DLG2: variants seen among roughly 807,000 people sequenced by gnomAD.
DLG2 encodes the protein discs large MAGUK scaffold protein 2.
Under a neutral mutation model 132.5 loss-of-function variants are expected in DLG2, and 45 were observed. That is an observed-to-expected ratio of 0.34 (90% confidence interval 0.27 to 0.44). The LOEUF (loss-of-function observed/expected upper bound fraction) is 0.44, where lower values mean the gene tolerates loss of function less well. Ranked by LOEUF, DLG2 falls within the 20% of genes least tolerant of loss-of-function variation. DLG2 has a pLI of 1.00. For synonymous variants in DLG2, 424 were observed against 419.6 expected, an observed-to-expected ratio of 1.01 and a Z score of -0.13; for missense variants, 1,045 against 1,196.9, an observed-to-expected ratio of 0.87 and a Z score of 1.87.
At chr11:84,572,881 T>C (rs1046686341) in intron 6 of DLG2, among the ~76,000 whole-genome samples, 4 of 152,142 alleles carry the variant, frequency 2.6e-5, no homozygotes, top group African/African-American at 7.2e-5. Context: ...GTTTCCTCCA[T>C]GGGATTTGGG....
intron 18 of DLG2, among the ~76,000 whole-genome samples, chr11:83,707,334 C>T (rs1056506383): frequency 9.9e-5 from 15 of 152,146 alleles, no homozygotes; most frequent in African/African-American, 3.1e-4. Context: ...TGCCTTATTC[C>T]TGAATTATAT....
At chr11:85,527,846 T>A (rs766313502) in intron 3 of DLG2, among the ~76,000 whole-genome samples, 6 of 152,208 alleles carry the variant, frequency 3.9e-5, no homozygotes, top group Non-Finnish European at 8.8e-5. Context: ...CTCCACATCC[T>A]CACCAGCAAC....
intron 8 of DLG2, among the ~76,000 whole-genome samples, chr11:84,225,072 T>C (rs1566982808): frequency 6.6e-6 from 1 of 152,202 alleles, no homozygotes; most frequent in Non-Finnish European, 1.5e-5. Flanking sequence ...GTTTTGTTGG[T>C]CTGTTTACAT....
chr11:85,489,987 A>G (rs2093519924), intron 3 of DLG2, among the ~76,000 whole-genome samples: 1 of 152,268 alleles, frequency 6.6e-6, no homozygotes, highest in South Asian at 2.1e-4. Context: ...CAGGAGTTCA[A>G]GACTACCTTG....
chr11:84,502,218 CCTTCCTTCCTTCCTTCCTTCCT>C (rs2099212552), intron 7 of DLG2, among the ~76,000 whole-genome samples: 249 of 11,678 alleles, frequency 0.021, 54 homozygotes, highest in Non-Finnish European at 0.031. Context: ...TTCCTTCCTT[CCTTCCTTCCTTCCTTCCTTCCT>C]TCCTTCCTTC....
At chr11:84,455,326 A>T (rs1460087772) in intron 7 of DLG2, among the ~76,000 whole-genome samples, 1 of 151,466 alleles carries the variant, frequency 6.6e-6, no homozygotes. Flanking sequence ...AAAGAATTTC[A>T]GAAATCCCAA....
chr11:85,251,103 A>T (rs1041528434), intron 4 of DLG2, among the ~76,000 whole-genome samples: 3 of 152,072 alleles, frequency 2.0e-5, no homozygotes, highest in Non-Finnish European at 4.4e-5. Flanking sequence ...GTTTCCAGGT[A>T]CACTCCCATC....
In DLG2 at chr11:85,596,559, C is replaced by A. The variant is rs537892737; in HGVS notation, c.40+2098G>T. Reference sequence around the variant, plus strand: ...TTCTATTTCTACAGCTAATGAGAGTCGTGCGAGGTACTATTTCAATGTGTT... The same window carrying A: ...TTCTATTTCTACAGCTAATGAGAGTAGTGCGAGGTACTATTTCAATGTGTT... On this transcript the variant is annotated intron_variant, in intron 3 of 27. Coordinates refer to ENST00000376104, the MANE Select transcript of DLG2 (RefSeq NM_001142699.3). Among the ~76,000 whole-genome samples, 80 of 152,056 alleles carry A rather than the reference C, an allele frequency of 5.3e-4. 3 individuals carry two copies. The highest frequency in any genetic ancestry group is 1.7e-3 in the African/African-American group (72 of 41,466).
intron 3 of DLG2, among the ~76,000 whole-genome samples, chr11:85,320,251 A>T (rs2080967873): frequency 6.6e-6 from 1 of 151,960 alleles, no homozygotes; most frequent in African/African-American, 2.4e-5. Context: ...CTTAGAATTC[A>T]TCTAGTCCAG....
In DLG2 at chr11:84,703,857, GATATATATAT is replaced by G. The variant is rs5793132; in HGVS notation, c.358-169136_358-169127del. ...AATAATGCTAAAACTATGTAGTGAAGATATATATATATATATATATATATATACACGTGTG... is the reference window on the plus strand; with the variant it reads ...AATAATGCTAAAACTATGTAGTGAAGATATATATATATATATACACGTGTG... On this transcript the variant is annotated intron_variant, in intron 6 of 27. Coordinates refer to ENST00000376104, the MANE Select transcript of DLG2 (RefSeq NM_001142699.3). Among the ~76,000 whole-genome samples, 27 of 102,694 alleles carry G rather than the reference GATATATATAT, an allele frequency of 2.6e-4. 2 individuals carry two copies. The highest frequency in any genetic ancestry group is 8.6e-4 in the African/African-American group (21 of 24,294). The allele number at this position is 102,694 out of a possible 152,430, so 67.4% of individuals were successfully genotyped here.
At chr11:84,315,777 A>T (rs983245677) in intron 7 of DLG2, among the ~76,000 whole-genome samples, 5 of 152,170 alleles carry the variant, frequency 3.3e-5, no homozygotes, top group African/African-American at 1.2e-4. Flanking sequence ...TAACTATATT[A>T]TTAAGACCAG....
At chr11:84,106,850 AGTGT>A (rs1555348338) in intron 9 of DLG2, among the ~76,000 whole-genome samples, 2 of 121,428 alleles carry the variant, frequency 1.6e-5, no homozygotes, top group African/African-American at 3.1e-5. Flanking sequence ...TGTTTGAGTG[AGTGT>A]GTGTGTGTAT....
chr11:83,575,233 C>G (rs1175679051), intron 19 of DLG2, among the ~76,000 whole-genome samples: 1 of 152,048 alleles, frequency 6.6e-6, no homozygotes, highest in East Asian at 1.9e-4. Flanking sequence ...TAATGATTTC[C>G]CAGACACCAG....
At chr11:85,605,060 G>A (rs2080431832) in intron 2 of DLG2, among the ~76,000 whole-genome samples, 1 of 152,080 alleles carries the variant, frequency 6.6e-6, no homozygotes, top group Admixed American at 6.5e-5. Flanking sequence ...GCAAATTTTG[G>A]AAAATAAAGC....
intron 6 of DLG2, among the ~76,000 whole-genome samples, chr11:84,748,059 T>G (rs1370784297): frequency 6.6e-6 from 1 of 152,190 alleles, no homozygotes; most frequent in Non-Finnish European, 1.5e-5. Flanking sequence ...CAGTTTCCTG[T>G]GGTTTCTTGA....
At chr11:84,610,844 T>C (rs1043573616) in intron 6 of DLG2, among the ~76,000 whole-genome samples, 1 of 152,080 alleles carries the variant, frequency 6.6e-6, no homozygotes, top group African/African-American at 2.4e-5. Context: ...GTTCCACCTT[T>C]TCTCCCTCTG....
chr11:83,919,070 G>A (rs1005101205), intron 15 of DLG2, among the ~76,000 whole-genome samples: 1 of 152,120 alleles, frequency 6.6e-6, no homozygotes, highest in African/African-American at 2.4e-5. Flanking sequence ...AAAACAATAA[G>A]GAAAGTGTTG....
intron 6 of DLG2, among the ~76,000 whole-genome samples, chr11:84,620,762 A>C (rs1249236168): frequency 2.6e-5 from 4 of 152,144 alleles, no homozygotes; most frequent in Non-Finnish European, 4.4e-5. Context: ...TAGGCAGATG[A>C]ATCGGCACAA....
chr11:85,537,755 A>G (rs2075693474), intron 3 of DLG2, among the ~76,000 whole-genome samples: 1 of 151,952 alleles, frequency 6.6e-6, no homozygotes, highest in Admixed American at 6.6e-5. Context: ...CGAACCCACC[A>G]GGAGGAAGAA....
Sources: allele counts gnomAD v4.1 joint callset (sites outside exome capture counted in the v4.1 genomes callset), GRCh38; gene constraint gnomAD v4.1.1; transcripts MANE v1.5; gene names NCBI Gene and HGNC (gene_info 2026-07-23, HGNC 2026-07-21).